Variants in SPRR2B observed in about 807,000 individuals in gnomAD.
The protein encoded by SPRR2B is small proline rich protein 2B.
A neutral mutation model predicts 1.0 loss-of-function variants in SPRR2B; 1 was observed. The observed-to-expected ratio is 1.01, with a 90% confidence interval of 0.36 to 4.77. SPRR2B has a LOEUF of 4.77. SPRR2B is among the 30% of genes most tolerant of loss of function. The pLI, the probability that SPRR2B is intolerant of heterozygous loss-of-function variation, is 0.16. For missense variants in SPRR2B, 53 were observed against 88.7 expected (o/e 0.60, Z 1.62); for synonymous variants, 27 against 33.4 (o/e 0.81, Z 0.66).
upstream of SPRR2B, among the ~76,000 whole-genome samples, chr1:153,075,388 C>T (rs1157228838): frequency 6.6e-6 from 1 of 151,084 alleles, no homozygotes. Flanking sequence ...TAAAAAAAAA[C>T]AGTTCACCAA....
the SPRR2B span, among the ~76,000 whole-genome samples, chr1:153,080,894 C>T: frequency 2.6e-5 from 4 of 152,148 alleles, no homozygotes; most frequent in Admixed American, 2.6e-4. Flanking sequence ...ACCAACATGT[C>T]CTTCAATAAT....
chr1:153,081,306 A>G, the SPRR2B span, among the ~76,000 whole-genome samples: 16 of 152,234 alleles, frequency 1.1e-4, no homozygotes, highest in Non-Finnish European at 2.1e-4. Context: ...CAGCAAGAGG[A>G]AAATGAATCA....
the SPRR2B span, among the ~76,000 whole-genome samples, chr1:153,078,178 G>T: frequency 0.4 from 60,945 of 151,902 alleles, 12,653 homozygotes; most frequent in Non-Finnish European, 0.46. Flanking sequence ...TACAATAGAC[G>T]AACTTTACAG....
the SPRR2B span, among the ~76,000 whole-genome samples, chr1:153,084,843 G>A: frequency 3.9e-5 from 6 of 152,122 alleles, no homozygotes; most frequent in East Asian, 1.9e-4. Flanking sequence ...TTCCTAACCC[G>A]GGGGAGCCAA....
chr1:153,086,699 A>G, the SPRR2B span, among the ~76,000 whole-genome samples: 1 of 152,248 alleles, frequency 6.6e-6, no homozygotes, highest in Non-Finnish European at 1.5e-5. Context: ...AGTGTTATTC[A>G]CTACCAAAAC....
chr1:153,082,314 A>G, the SPRR2B span, among the ~76,000 whole-genome samples: 1 of 152,214 alleles, frequency 6.6e-6, no homozygotes, highest in African/African-American at 2.4e-5. Context: ...ATGCAAATGA[A>G]TTAAATTCTC....
At chr1:153,078,998 A>G in the SPRR2B span, among the ~76,000 whole-genome samples, 1 of 152,074 alleles carries the variant, frequency 6.6e-6, no homozygotes, top group Non-Finnish European at 1.5e-5. Flanking sequence ...AAGTGTTCCT[A>G]TTTCTCCACA....
rs371258955 is a variant in SPRR2B at position 153,070,613 on chromosome 1, T to C, written c.*8A>G. Reference sequence around the variant, plus strand: ...ATCCTCTCATGCTCCTGATGAATCCTGAAGCTGTTACTTGCTCTTCGGTGG... The same window carrying C: ...ATCCTCTCATGCTCCTGATGAATCCCGAAGCTGTTACTTGCTCTTCGGTGG... On this transcript the variant is annotated 3_prime_UTR_variant, in exon 2 of 2. Coordinates refer to ENST00000368755, the MANE Select transcript of SPRR2B (RefSeq NM_001388198.1). 4 of 1,611,188 alleles carry C rather than the reference T, an allele frequency of 2.5e-6. No homozygotes were observed. The highest frequency in any genetic ancestry group is 1.3e-5 in the African/African-American group (1 of 74,848).
At chr1:153,075,651 T>C (rs2101613361), upstream of SPRR2B, among the ~76,000 whole-genome samples, 1 of 152,254 alleles carries the variant, frequency 6.6e-6, no homozygotes, top group East Asian at 1.9e-4. Flanking sequence ...GTACTCAAAA[T>C]AGTAAAGAAA....
At chr1:153,077,458 T>A in the SPRR2B span, among the ~76,000 whole-genome samples, 1 of 152,218 alleles carries the variant, frequency 6.6e-6, no homozygotes, top group East Asian at 1.9e-4. Context: ...GTTGAAATTT[T>A]AGCTTGTAAC....
the SPRR2B span, among the ~76,000 whole-genome samples, chr1:153,084,938 T>C: frequency 5.9e-5 from 9 of 152,112 alleles, no homozygotes; most frequent in African/African-American, 2.2e-4. Flanking sequence ...GACCCTAAAA[T>C]AGATGAAGCC....
chr1:153,079,868 G>T, the SPRR2B span, among the ~76,000 whole-genome samples: 4 of 151,994 alleles, frequency 2.6e-5, no homozygotes, highest in Non-Finnish European at 5.9e-5. Flanking sequence ...GGTTCCATAT[G>T]AACTTTAAAG....
At chr1:153,083,169 T>C in the SPRR2B span, among the ~76,000 whole-genome samples, 20 of 152,104 alleles carry the variant, frequency 1.3e-4, no homozygotes, top group Admixed American at 1.2e-3. Context: ...TTTGAATAGA[T>C]GTATAATAAG....
At chr1:153,074,827 CAGTT>C (rs1409739211), upstream of SPRR2B, among the ~76,000 whole-genome samples, 2 of 152,158 alleles carry the variant, frequency 1.3e-5, no homozygotes, top group Non-Finnish European at 1.5e-5. Context: ...GTCCATTGCT[CAGTT>C]AGTCAGATAA....
At chr1:153,074,382 A>T (rs1654734477), upstream of SPRR2B, among the ~76,000 whole-genome samples, 1 of 152,254 alleles carries the variant, frequency 6.6e-6, no homozygotes, top group Admixed American at 6.5e-5. Context: ...AAACAAAATT[A>T]TGGTAAAATA....
chr1:153,083,397 T>G, the SPRR2B span, among the ~76,000 whole-genome samples: 1 of 152,026 alleles, frequency 6.6e-6, no homozygotes, highest in Non-Finnish European at 1.5e-5. Flanking sequence ...CAGAACAATA[T>G]TCCTCATGAA....
upstream of SPRR2B, among the ~76,000 whole-genome samples, chr1:153,072,115 G>A (rs1471312312): frequency 6.6e-6 from 1 of 152,124 alleles, no homozygotes; most frequent in Non-Finnish European, 1.5e-5. Flanking sequence ...TCTACCTCTG[G>A]TTTTGAAGGC....
the SPRR2B span, among the ~76,000 whole-genome samples, chr1:153,086,152 A>G: frequency 6.6e-6 from 1 of 152,188 alleles, no homozygotes; most frequent in African/African-American, 2.4e-5. Flanking sequence ...AGCTAATATC[A>G]TGCCACAATC....
intron 1 of SPRR2B, 124 bp from the exon 2 acceptor site, chr1:153,070,982 C>G: frequency 2.2e-6 from 2 of 913,246 alleles, no homozygotes; most frequent in East Asian, 2.6e-5. Context: ...ACTCTTAGCT[C>G]TCTTTTCATG....
Sources: allele counts gnomAD v4.1 joint callset (sites outside exome capture counted in the v4.1 genomes callset), GRCh38; gene constraint gnomAD v4.1.1; transcripts MANE v1.5; gene names NCBI Gene and HGNC (gene_info 2026-07-23, HGNC 2026-07-21).